Variants in NXPH1 observed in about 807,000 individuals in gnomAD.
The protein encoded by NXPH1 is neurexophilin-1.
Under a neutral mutation model 23.7 loss-of-function variants are expected in NXPH1, and 5 were observed. The ratio of observed to expected loss-of-function variants is 0.21; its 90% CI spans 0.11 to 0.44. The LOEUF is 0.44. NXPH1 is among the 20% of genes least tolerant of loss of function. NXPH1 has a pLI of 0.99. For missense variants in NXPH1, 324 were observed against 321.6 expected, an observed-to-expected ratio of 1.01 and a Z score of -0.06; for synonymous variants, 144 against 122.2, an observed-to-expected ratio of 1.18 and a Z score of -1.18.
chr7:8,702,955 G>A (rs1311585640), intron 2 of NXPH1, among the ~76,000 whole-genome samples: 1 of 152,026 alleles, frequency 6.6e-6, no homozygotes, highest in Non-Finnish European at 1.5e-5. Flanking sequence ...ACAGGGATAG[G>A]ATTTGCAGGG....
At chr7:8,649,728 T>C (rs1224084950) in intron 2 of NXPH1, among the ~76,000 whole-genome samples, 1 of 152,172 alleles carries the variant, frequency 6.6e-6, no homozygotes, top group Non-Finnish European at 1.5e-5. Flanking sequence ...AGCCTTAAAT[T>C]ATTGCTTATA....
At chr7:8,526,594 A>G (rs1017160625) in intron 2 of NXPH1, among the ~76,000 whole-genome samples, 2 of 152,176 alleles carry the variant, frequency 1.3e-5, no homozygotes, top group African/African-American at 4.8e-5. Flanking sequence ...GAGGGACCCA[A>G]GGGGAGGTAA....
chr7:8,532,937 GATAA>G (rs1817971103), intron 2 of NXPH1, among the ~76,000 whole-genome samples: 1 of 152,120 alleles, frequency 6.6e-6, no homozygotes, highest in Non-Finnish European at 1.5e-5. Flanking sequence ...CTTAGAGCCT[GATAA>G]ATAGTGTACT....
At chr7:8,644,618 T>G (rs1040729121) in intron 2 of NXPH1, among the ~76,000 whole-genome samples, 3 of 152,220 alleles carry the variant, frequency 2.0e-5, no homozygotes, top group Non-Finnish European at 4.4e-5. Flanking sequence ...AACATTGTGC[T>G]CTGCCTGCTG....
At chr7:8,586,031 T>A (rs964684049) in intron 2 of NXPH1, among the ~76,000 whole-genome samples, 3 of 152,158 alleles carry the variant, frequency 2.0e-5, no homozygotes, top group Non-Finnish European at 4.4e-5. Flanking sequence ...CAAGTTATCA[T>A]GGAGAGGTTT....
chr7:8,539,246 C>A (rs1375763262), intron 2 of NXPH1, among the ~76,000 whole-genome samples: 1 of 151,704 alleles, frequency 6.6e-6, no homozygotes, highest in African/African-American at 2.4e-5. Flanking sequence ...GGGATAATAT[C>A]TAAGCTTGAT....
At chr7:8,685,109 T>C (rs1013985194) in intron 2 of NXPH1, among the ~76,000 whole-genome samples, 1 of 152,176 alleles carries the variant, frequency 6.6e-6, no homozygotes, top group Non-Finnish European at 1.5e-5. Context: ...ACAGTTTCTA[T>C]CTGTTCCTTT....
At chr7:8,647,969 A>G (rs1392802297) in intron 2 of NXPH1, among the ~76,000 whole-genome samples, 1 of 152,138 alleles carries the variant, frequency 6.6e-6, no homozygotes, top group African/African-American at 2.4e-5. Flanking sequence ...AAAATATTAC[A>G]TGGCCTATAT....
chr7:8,666,304 T>C (rs1229559157), intron 2 of NXPH1, among the ~76,000 whole-genome samples: 1 of 152,108 alleles, frequency 6.6e-6, no homozygotes, highest in Non-Finnish European at 1.5e-5. Flanking sequence ...TATGATCATA[T>C]GGTTTTTGTC....
At chr7:8,542,657 C>A (rs1818137610) in intron 2 of NXPH1, among the ~76,000 whole-genome samples, 1 of 151,478 alleles carries the variant, frequency 6.6e-6, no homozygotes, top group African/African-American at 2.4e-5. Context: ...AATTGGAAAT[C>A]AGTAAAATAG....
intron 2 of NXPH1, among the ~76,000 whole-genome samples, chr7:8,732,822 A>G (rs952038678): frequency 6.6e-6 from 1 of 152,142 alleles, no homozygotes; most frequent in South Asian, 2.1e-4. Context: ...ACTATTTACT[A>G]TTGTAGACTT....
chr7:8,486,708 T>C (rs987696309), intron 2 of NXPH1, among the ~76,000 whole-genome samples: 1 of 152,198 alleles, frequency 6.6e-6, no homozygotes. Context: ...ATGTTCTGGC[T>C]TTCCCATCTT....
chr7:8,470,236 C>G (rs139850012), intron 2 of NXPH1, among the ~76,000 whole-genome samples: 5 of 151,908 alleles, frequency 3.3e-5, no homozygotes, highest in African/African-American at 1.2e-4. Flanking sequence ...ATAGATTATG[C>G]AGAGATCTAC....
chr7:8,533,235 T>C (rs1052145144), intron 2 of NXPH1, among the ~76,000 whole-genome samples: 4 of 152,186 alleles, frequency 2.6e-5, no homozygotes, highest in African/African-American at 9.7e-5. Flanking sequence ...CCTATCTTTT[T>C]TTCTTCTAGC....
At chr7:8,566,834 A>T (rs1818556141) in intron 2 of NXPH1, among the ~76,000 whole-genome samples, 1 of 148,260 alleles carries the variant, frequency 6.7e-6, no homozygotes, top group Non-Finnish European at 1.5e-5. Context: ...TCCCCTAATA[A>T]CCTCATATTC....
chr7:8,665,473 G>C (rs1028823629), intron 2 of NXPH1, among the ~76,000 whole-genome samples: 1 of 151,668 alleles, frequency 6.6e-6, no homozygotes, highest in African/African-American at 2.4e-5. Flanking sequence ...TGTTCTTTTT[G>C]TTCAAGATTG....
intron 2 of NXPH1, among the ~76,000 whole-genome samples, chr7:8,692,790 G>A (rs188386764): frequency 6.6e-6 from 1 of 152,110 alleles, no homozygotes; most frequent in Admixed American, 6.6e-5. Flanking sequence ...TTCTAAAGCC[G>A]AGTTGAAAGA....
At chr7:8,460,636 G>GT (rs776337734) in intron 2 of NXPH1, among the ~76,000 whole-genome samples, 1 of 152,152 alleles carries the variant, frequency 6.6e-6, no homozygotes, top group Non-Finnish European at 1.5e-5. Context: ...CTCTAGATGA[G>GT]TAGAAAGTTA....
At chr7:8,722,403 C>T (rs961269001) in intron 2 of NXPH1, among the ~76,000 whole-genome samples, 2 of 152,140 alleles carry the variant, frequency 1.3e-5, no homozygotes, top group Admixed American at 6.6e-5. Context: ...GACTGAAATT[C>T]TGTTACAATG....
Sources: allele counts gnomAD v4.1 joint callset (sites outside exome capture counted in the v4.1 genomes callset), GRCh38; gene constraint gnomAD v4.1.1; transcripts MANE v1.5; gene names NCBI Gene and HGNC (gene_info 2026-07-23, HGNC 2026-07-21).